The following PDZK1 variants were observed in gnomAD, a reference collection of about 807,000 sequenced individuals.
PDZK1 encodes Na(+)/H(+) exchange regulatory cofactor NHE-RF3.
A neutral mutation model predicts 38.1 loss-of-function variants in PDZK1; 23 were observed. The ratio of observed to expected loss-of-function variants is 0.60; its 90% CI spans 0.43 to 0.85. The LOEUF (loss-of-function observed/expected upper bound fraction) is 0.85. Among genes scored for constraint, PDZK1 ranks in the 40% least tolerant of loss-of-function variants. The pLI is 0.00. For synonymous variants in PDZK1, 98 were observed against 186.2 expected, an observed-to-expected ratio of 0.53 and a Z score of 3.86; for missense variants, 297 against 504.3, an observed-to-expected ratio of 0.59 and a Z score of 3.94.
At chr1:145,690,699 T>G (rs1163383488) in intron 1 of PDZK1, among the ~76,000 whole-genome samples, 1 of 152,118 alleles carries the variant, frequency 6.6e-6, no homozygotes, top group African/African-American at 2.4e-5. Context: ...AACCACAAAC[T>G]CTTAATCTCT....
At chr1:145,706,069 T>A (rs1262889507) in intron 1 of PDZK1, among the ~76,000 whole-genome samples, 2 of 152,206 alleles carry the variant, frequency 1.3e-5, no homozygotes, top group Non-Finnish European at 2.9e-5. Flanking sequence ...TTTGTACTTA[T>A]AATTTTATTT....
Position 145,697,434 on chromosome 1 carries a change from C to T in PDZK1, c.-2-9411G>A, listed in dbSNP as rs1243348334. ...CAAAATGCCAAAATTTTAGTGTCAT[C>T]AAAACTAAAAGAAGAATTTTAAGAT... On this transcript the variant is annotated intron_variant, in intron 1 of 8. Coordinates refer to ENST00000417171, the MANE Select transcript of PDZK1 (RefSeq NM_001201325.2). 3.5e-4 allele frequency among the ~76,000 whole-genome samples: 53 copies of T among 151,960 alleles called. 1 individual carries two copies. Among genetic ancestry groups the T allele is most frequent in the Non-Finnish European group, 1.5e-4 (10 of 67,980 alleles).
Position 145,705,732 on chromosome 1 carries a change from C to G in PDZK1, c.-3+1585G>C, listed in dbSNP as rs888661271. Reference sequence around the variant, plus strand: ...ACACATTTGAAATCTAGGCATCTTACATCGTGTTTTTAACATATTCATGGT... The same window carrying G: ...ACACATTTGAAATCTAGGCATCTTAGATCGTGTTTTTAACATATTCATGGT... On this transcript the variant is annotated intron_variant, in intron 1 of 8. Transcript: ENST00000417171. Among the ~76,000 whole-genome samples the G allele has an allele frequency of 3.3e-5, 5 of 152,208 alleles. No homozygotes were observed. In the East Asian group the frequency reaches 7.7e-4, roughly 24 times the overall value.
chr1:145,688,124 C>A, intron 1 of PDZK1, 101 bp from the exon 2 acceptor site: 2 of 981,336 alleles, frequency 2.0e-6, no homozygotes, highest in Non-Finnish European at 1.6e-6. Flanking sequence ...TTCCAATCAC[C>A]AAATCTAGAC....
intron 1 of PDZK1, among the ~76,000 whole-genome samples, chr1:145,701,840 T>C (rs1394127401): frequency 6.6e-6 from 1 of 152,200 alleles, no homozygotes; most frequent in African/African-American, 2.4e-5. Context: ...CAAATATATT[T>C]TACCTAGAAC....
intron 3 of PDZK1, among the ~76,000 whole-genome samples, chr1:145,683,459 G>A (rs587730180): frequency 2.0e-5 from 3 of 152,174 alleles, no homozygotes; most frequent in African/African-American, 7.2e-5. Context: ...ATTAGCCATC[G>A]TATGCTGTGG....
intron 1 of PDZK1, among the ~76,000 whole-genome samples, chr1:145,704,930 A>G (rs1656166566): frequency 6.6e-6 from 1 of 152,180 alleles, no homozygotes; most frequent in Admixed American, 6.5e-5. Context: ...CGCCATCTGC[A>G]TCTATTCTTC....
At chr1:145,676,691 A>C (rs1166671831) in intron 6 of PDZK1, among the ~76,000 whole-genome samples, 3 of 146,070 alleles carry the variant, frequency 2.1e-5, no homozygotes, top group African/African-American at 7.7e-5. Flanking sequence ...GCACCACTGC[A>C]CTCCAGCCTG....
At chr1:145,674,840 T>C (rs1383802229) in intron 6 of PDZK1, among the ~76,000 whole-genome samples, 3 of 152,144 alleles carry the variant, frequency 2.0e-5, no homozygotes, top group Non-Finnish European at 4.4e-5. Flanking sequence ...CTACTAGATC[T>C]GTCTCTCTGG....
chr1:145,689,318 A>G (rs587671821), intron 1 of PDZK1, among the ~76,000 whole-genome samples: 1 of 152,084 alleles, frequency 6.6e-6, no homozygotes, highest in East Asian at 1.9e-4. Flanking sequence ...GGCTCAAGTG[A>G]TCTTCATGCT....
At position 145,687,795 on chromosome 1, in the gene PDZK1, C is replaced by A. The variant is rs373616461; in HGVS notation, c.210+17G>T. 429 of 1,591,916 alleles carry A rather than the reference C, an allele frequency of 2.7e-4. 1 individual carries two copies. Among genetic ancestry groups the A allele is most frequent in the Middle Eastern group, 5.0e-4 (3 of 6,024 alleles). Reference sequence around the variant, plus strand: ...CTGAAGAGATCCTGGAAGAAAAGCCCCAAATGTCTCATTCACCTGCATATG... The same window carrying A: ...CTGAAGAGATCCTGGAAGAAAAGCCACAAATGTCTCATTCACCTGCATATG... On this transcript the variant is annotated intron_variant, in intron 2 of 8. Coordinates refer to ENST00000417171, the MANE Select transcript of PDZK1 (RefSeq NM_001201325.2).
chr1:145,696,110 C>T (rs147462070), intron 1 of PDZK1, among the ~76,000 whole-genome samples: 98 of 152,334 alleles, frequency 6.4e-4, no homozygotes, highest in African/African-American at 2.0e-3. Context: ...GATCCCCTGT[C>T]GCAGAGTGGC....
intron 5 of PDZK1, among the ~76,000 whole-genome samples, chr1:145,680,591 G>A (rs1261304091): frequency 3.0e-4 from 45 of 152,184 alleles, no homozygotes; most frequent in Non-Finnish European, 1.0e-4. Context: ...CATGGGAGGA[G>A]TATTTACATC....
intron 1 of PDZK1, chr1:145,691,664 A>G (rs1328947826): frequency 1.3e-5 from 2 of 152,176 alleles, no homozygotes; most frequent in African/African-American, 2.4e-5. Flanking sequence ...CAAACAGCCA[A>G]AATACATGGT....
rs782258727 is a variant in PDZK1, at chr1:145,672,753, C to T, written c.1483G>A (p.Asp495Asn). The change falls in exon 8 of 9, where the codon GAC becomes AAC. Residue 495 changes from aspartate to asparagine, a missense_variant. Asp to Asn is a conservative substitution (Grantham distance 23). This residue lies in a region of PDZK1 where 54 missense variants were observed against 72.1 expected (regional missense o/e 0.75). Transcript: ENST00000417171. The part of the protein sequence containing the change: ...KEGIVVESNH[D>N]SHMAKERAHS... Reference sequence around the variant, plus strand: ...ACCCGTTCTTTTGCCATGTGCGAGTCATGGTTTGACTCCACCACTATTCCT... The same window carrying T: ...ACCCGTTCTTTTGCCATGTGCGAGTTATGGTTTGACTCCACCACTATTCCT... The T allele has an allele frequency of 1.9e-6, 3 of 1,611,924 alleles. No homozygotes were observed. The South Asian group carries it at 3.3e-5, about 18-fold the overall frequency.
In PDZK1 at chr1:145,686,698, T is replaced by C. The variant is rs1553701844; in HGVS notation, c.239A>G (p.Asn80Ser). The C allele has an allele frequency of 6.5e-7, 1 of 1,548,868 alleles. No individual in the cohort carries two copies. The highest frequency in any genetic ancestry group is 1.1e-5 in the South Asian group (1 of 87,860). ...QVVDLVRKSG[N>S]SVTLLVLDGD... Reference sequence around the variant, plus strand: ...ATCCAGAACTAGTAAAGTCACTGAATTCCCACTCTTTCTGACCAGATCCAC... The same window carrying C: ...ATCCAGAACTAGTAAAGTCACTGAACTCCCACTCTTTCTGACCAGATCCAC... The change falls in exon 3 of 9, where the codon AAT becomes AGT. Residue 80 changes from asparagine to serine, a missense_variant. Around this residue, in one of 5 missense-constraint regions of PDZK1, gnomAD observed 159 missense variants for 200.0 expected, o/e 0.79. Coordinates refer to ENST00000417171, the MANE Select transcript of PDZK1 (RefSeq NM_001201325.2).
intron 1 of PDZK1, among the ~76,000 whole-genome samples, chr1:145,692,823 A>G (rs1655332515): frequency 6.6e-6 from 1 of 152,060 alleles, no homozygotes; most frequent in Non-Finnish European, 1.5e-5. Flanking sequence ...TAACGAGGTC[A>G]GGAGATCAAA....
chr1:145,690,680 T>A (rs1655171009), intron 1 of PDZK1, among the ~76,000 whole-genome samples: 1 of 152,198 alleles, frequency 6.6e-6, no homozygotes, highest in African/African-American at 2.4e-5. Flanking sequence ...TCTCACGCCC[T>A]GCAGTGTCAA....
chr1:145,674,582 G>T (rs1653451129), intron 6 of PDZK1, among the ~76,000 whole-genome samples: 2 of 152,080 alleles, frequency 1.3e-5, no homozygotes, highest in Non-Finnish European at 2.9e-5. Context: ...TGGTTCTCCG[G>T]CCTTTGGACT....
Sources: gnomAD v4.1 joint callset for allele counts (sites outside exome capture counted in the v4.1 genomes callset) on GRCh38, gnomAD v4.1.1 for gene constraint, gnomAD v4.1.1 regional missense constraint, MANE v1.5 for transcripts, NCBI Gene and HGNC (gene_info 2026-07-23, HGNC 2026-07-21) for gene names.